Variants in OPCML observed in about 807,000 individuals in gnomAD.
OPCML encodes the protein opioid binding protein/cell adhesion molecule like.
Under a neutral mutation model 37.8 loss-of-function variants are expected in OPCML, and 13 were observed. The ratio of observed to expected loss-of-function variants is 0.34; its 90% CI spans 0.22 to 0.55. The LOEUF (loss-of-function observed/expected upper bound fraction) is 0.55. OPCML is among the 20% of genes least tolerant of loss of function. OPCML has a pLI of 0.91. For synonymous variants in OPCML, 176 were observed against 168.8 expected (o/e 1.04, Z -0.33); for missense variants, 341 against 435.6 (o/e 0.78, Z 1.93).
At chr11:132,901,007 C>T (rs367859439) in intron 2 of OPCML, among the ~76,000 whole-genome samples, 1 of 152,000 alleles carries the variant, frequency 6.6e-6, no homozygotes, top group Non-Finnish European at 1.5e-5. Context: ...TAGTGAAACC[C>T]CATCTCTACT....
At chr11:132,648,915 T>C (rs902604032) in intron 3 of OPCML, among the ~76,000 whole-genome samples, 4 of 152,154 alleles carry the variant, frequency 2.6e-5, no homozygotes, top group Non-Finnish European at 5.9e-5. Flanking sequence ...AAATAGACTA[T>C]AAGTGTCCGA....
At chr11:132,898,229 T>C (rs906376394) in intron 2 of OPCML, among the ~76,000 whole-genome samples, 4 of 152,214 alleles carry the variant, frequency 2.6e-5, no homozygotes, top group African/African-American at 9.6e-5. Flanking sequence ...TGGTGGCAAG[T>C]TGATTACATT....
chr11:132,576,336 TG>T (rs1727537542), intron 3 of OPCML, among the ~76,000 whole-genome samples: 1 of 152,082 alleles, frequency 6.6e-6, no homozygotes, highest in Non-Finnish European at 1.5e-5. Context: ...TTTCTCTTTT[TG>T]TTCTCTGATT....
intron 1 of OPCML, among the ~76,000 whole-genome samples, chr11:133,384,203 G>A (rs564114618): frequency 2.9e-5 from 4 of 136,732 alleles, no homozygotes; most frequent in African/African-American, 1.2e-4. Context: ...TTTTCCCAAC[G>A]GCCACCCAGA....
intron 2 of OPCML, among the ~76,000 whole-genome samples, chr11:132,885,692 G>T (rs557123686): frequency 2.0e-5 from 3 of 152,212 alleles, no homozygotes; most frequent in Non-Finnish European, 2.9e-5. Flanking sequence ...CTGCAATAAA[G>T]AATTTTTTTC....
intron 2 of OPCML, among the ~76,000 whole-genome samples, chr11:132,866,403 G>A (rs1452679543): frequency 6.6e-6 from 1 of 152,148 alleles, no homozygotes; most frequent in Admixed American, 6.5e-5. Context: ...ATCCAAGTAG[G>A]CCCTTCTTAG....
chr11:133,114,645 A>G (rs1949304398), intron 1 of OPCML, among the ~76,000 whole-genome samples: 2 of 152,092 alleles, frequency 1.3e-5, no homozygotes, highest in South Asian at 4.1e-4. Context: ...TCCCCTATCC[A>G]ATGCCTCTTT....
intron 1 of OPCML, chr11:133,004,325 G>C: frequency 1.0e-6 from 1 of 985,434 alleles, no homozygotes; most frequent in Non-Finnish European, 1.2e-6. Context: ...ATTTTATTTT[G>C]TGGGTCCTTT....
chr11:132,925,770 C>G (rs1944969074), intron 2 of OPCML, among the ~76,000 whole-genome samples: 1 of 152,068 alleles, frequency 6.6e-6, no homozygotes, highest in Non-Finnish European at 1.5e-5. Flanking sequence ...TCTGACGGAT[C>G]TGAGAAGAAT....
intron 1 of OPCML, chr11:133,026,375 C>G: frequency 1.0e-6 from 1 of 985,106 alleles, no homozygotes. Flanking sequence ...GGGTGGTGGT[C>G]TGATTGACGA....
intron 3 of OPCML, among the ~76,000 whole-genome samples, chr11:132,603,118 A>G (rs1938038157): frequency 6.6e-6 from 1 of 152,130 alleles, no homozygotes. Flanking sequence ...TGGGTGCCTG[A>G]GAAATGTTGG....
intron 3 of OPCML, among the ~76,000 whole-genome samples, chr11:132,554,915 C>T (rs73034693): frequency 4.2e-3 from 431 of 103,666 alleles, no homozygotes; most frequent in Non-Finnish European, 5.6e-3. Context: ...GTTAGATAGA[C>T]CTAGATCTGA....
chr11:133,475,507 C>T (rs987231633), intron 1 of OPCML, among the ~76,000 whole-genome samples: 22 of 152,098 alleles, frequency 1.4e-4, no homozygotes, highest in African/African-American at 5.1e-4. Context: ...AGACAGAAAG[C>T]GTCCTCTCTG....
chr11:132,631,034 T>C (rs1300199991), intron 3 of OPCML, among the ~76,000 whole-genome samples: 2 of 152,106 alleles, frequency 1.3e-5, no homozygotes, highest in Non-Finnish European at 2.9e-5. Flanking sequence ...ATATATACTG[T>C]ATAAAATCAT....
chr11:133,297,222 T>C (rs1465287295), intron 1 of OPCML: 1 of 152,170 alleles, frequency 6.6e-6, no homozygotes, highest in Non-Finnish European at 1.5e-5. Context: ...GGATAGAGAA[T>C]AAGGTGGGTT....
chr11:133,485,928 T>A (rs957764256), intron 1 of OPCML, among the ~76,000 whole-genome samples: 56 of 152,312 alleles, frequency 3.7e-4, no homozygotes, highest in African/African-American at 1.2e-3. Flanking sequence ...TGTTGGTGAT[T>A]TCACTGTTTA....
chr11:132,498,005 C>T (rs976623913), intron 4 of OPCML, among the ~76,000 whole-genome samples: 7 of 152,118 alleles, frequency 4.6e-5, no homozygotes, highest in South Asian at 4.1e-4. Flanking sequence ...CCTCTTTAAT[C>T]GAAAACTTCA....
chr11:132,913,117 A>G (rs535099646), intron 2 of OPCML, among the ~76,000 whole-genome samples: 1 of 152,334 alleles, frequency 6.6e-6, no homozygotes, highest in South Asian at 2.1e-4. Context: ...TTTATTATTT[A>G]AAAGTAAGAC....
intron 3 of OPCML, among the ~76,000 whole-genome samples, chr11:132,556,835 A>G (rs140303588): frequency 1.5e-3 from 228 of 152,276 alleles, no homozygotes; most frequent in African/African-American, 5.2e-3. Context: ...GCAGGAAAAG[A>G]GAAGTGTGAC....
Sources: allele counts gnomAD v4.1 joint callset (sites outside exome capture counted in the v4.1 genomes callset), GRCh38; gene constraint gnomAD v4.1.1; transcripts MANE v1.5; gene names NCBI Gene and HGNC (gene_info 2026-07-23, HGNC 2026-07-21).